Variants in TRPM7 observed in about 807,000 individuals in gnomAD.
TRPM7 encodes transient receptor potential cation channel subfamily M member 7.
Under a neutral mutation model 229.7 loss-of-function variants are expected in TRPM7, and 134 were observed. The observed-to-expected ratio is 0.58, with a 90% CI of 0.51 to 0.67. The LOEUF (loss-of-function observed/expected upper bound fraction) is 0.67, where lower values mean the gene tolerates loss of function less well. TRPM7 is among the 30% of genes least tolerant of loss of function. TRPM7 has a pLI of 0.00. For missense variants in TRPM7, 1,901 were observed against 2,210.0 expected (o/e 0.86, Z 2.80); for synonymous variants, 699 against 715.2 (o/e 0.98, Z 0.36).
rs2053802940 is a variant in TRPM7, at chr15:50,570,145, T to C, written c.5319A>G (p.Glu1773=). 6.2e-7 allele frequency: 1 copy of C among 1,608,030 alleles called. No individual in the cohort carries two copies. The highest frequency in any genetic ancestry group is 2.2e-5 in the East Asian group (1 of 44,738). ...LLVLDLQGVG[E]NLTDPSVIKA... ...TTATCACAGATGGGTCAGTCAAATTTTCACCAACACCTTTATATGTGTATA... is the reference window on the plus strand; with the variant it reads ...TTATCACAGATGGGTCAGTCAAATTCTCACCAACACCTTTATATGTGTATA... Residue 1773 remains glutamate (E), a synonymous_variant, in exon 37 of 39, where the codon GAA becomes GAG. Coordinates refer to ENST00000646667, the MANE Select transcript of TRPM7 (RefSeq NM_017672.6).
Position 50,686,556 on chromosome 15 carries a change from G to A in TRPM7, c.-23C>T. ...CATTCTCCTCACGGGGCGGACTCCG[G>A]AAGGGCAGCAACTCCACCTCCTCCT... is the stretch of plus-strand genomic sequence containing the variant. On this transcript the variant is annotated 5_prime_UTR_variant, in exon 1 of 39. Coordinates refer to ENST00000646667, the MANE Select transcript of TRPM7 (RefSeq NM_017672.6). 2 of 1,609,854 alleles carry A rather than the reference G, an allele frequency of 1.2e-6. No homozygotes were observed. Among genetic ancestry groups the A allele is most frequent in the Middle Eastern group, 1.7e-4 (1 of 6,046 alleles).
At chr15:50,648,263 T>C (rs548274425) in intron 4 of TRPM7, among the ~76,000 whole-genome samples, 1 of 152,064 alleles carries the variant, frequency 6.6e-6, no homozygotes, top group East Asian at 1.9e-4. Flanking sequence ...ATAAAAAATA[T>C]TTAATCCAAA....
chr15:50,609,509 T>A lies in TRPM7; in HGVS notation c.2580+72A>T, dbSNP rs578237271. ...GATCTAAGTTATATCAACATTAGTA[T>A]GGATTCCGAACCAATGGTCCCCCAA... On this transcript the variant is annotated intron_variant, in intron 19 of 38. Transcript: ENST00000646667. 5,584 of 1,403,764 alleles carry A rather than the reference T, an allele frequency of 4.0e-3. 19 individuals carry two copies. Among genetic ancestry groups the A allele is most frequent in the Non-Finnish European group, 4.3e-3 (4,517 of 1,039,644 alleles). The allele number at this position is 1,403,764 out of a possible 1,614,324, so 87.0% of individuals were successfully genotyped here.
chr15:50,658,489 G>A (rs980246281), intron 2 of TRPM7, among the ~76,000 whole-genome samples: 1 of 151,490 alleles, frequency 6.6e-6, no homozygotes, highest in Non-Finnish European at 1.5e-5. Context: ...AGGATTCCTT[G>A]AGCATGGGAG....
At chr15:50,570,198 TA>T in intron 36 of TRPM7, 43 bp from the exon 37 acceptor site, 1 of 1,370,154 alleles carries the variant, frequency 7.3e-7, no homozygotes. Flanking sequence ...TTATATTATA[TA>T]ATTGACATAA....
At position 50,578,676 on chromosome 15, in the gene TRPM7, C is replaced by A. The variant is rs1158600310; in HGVS notation, c.4593-12G>T. 4 of 1,603,818 alleles carry A rather than the reference C, an allele frequency of 2.5e-6. No homozygotes were observed. The highest frequency in any genetic ancestry group is 1.7e-4 in the Middle Eastern group (1 of 5,996). On this transcript the variant is annotated splice_polypyrimidine_tract_variant and intron_variant, in intron 30 of 38. Coordinates refer to ENST00000646667, the MANE Select transcript of TRPM7 (RefSeq NM_017672.6). ...CTTCTTCAGATGGCCTAAAGAAACA[C>A]CAAAAAATATAGTATAAGCTGTGCT...
chr15:50,646,204 GA>G (rs1311650044), intron 4 of TRPM7, among the ~76,000 whole-genome samples: 1 of 151,950 alleles, frequency 6.6e-6, no homozygotes, highest in Non-Finnish European at 1.5e-5. Flanking sequence ...GAGAGATGAT[GA>G]GCTCACTGTT....
In TRPM7 at chr15:50,574,375, T is replaced by C. The variant is rs1731895057; in HGVS notation, c.5207A>G (p.Asp1736Gly). The C allele has an allele frequency of 1.4e-5, 22 of 1,613,656 alleles. No homozygotes were observed. The highest frequency in any genetic ancestry group is 1.8e-5 in the Non-Finnish European group (21 of 1,179,628). ...CAGAGTATTAGTTGGAATAATCTCA[T>C]CTCCATTATTATTGTTGTATTTTCT... The part of the protein sequence containing the change: ...EFRKYNNNNG[D>G]EIIPTNTLEE... Residue 1736 changes from aspartate to glycine, a missense_variant, in exon 36 of 39, where the codon GAT becomes GGT. By Grantham distance (94) the Asp-to-Gly change is moderately conservative. Around this residue, in one of 8 missense-constraint regions of TRPM7, gnomAD observed 257 missense variants for 352.0 expected, o/e 0.73. Coordinates refer to ENST00000646667, the MANE Select transcript of TRPM7 (RefSeq NM_017672.6).
intron 5 of TRPM7, among the ~76,000 whole-genome samples, chr15:50,641,788 T>A (rs1267305450): frequency 6.6e-6 from 1 of 152,028 alleles, no homozygotes; most frequent in Non-Finnish European, 1.5e-5. Flanking sequence ...TCACCTGAGG[T>A]CAGAAGTTCA....
intron 27 of TRPM7, among the ~76,000 whole-genome samples, chr15:50,586,864 A>C (rs954020794): frequency 7.9e-5 from 12 of 152,148 alleles, no homozygotes; most frequent in Admixed American, 7.9e-4. Context: ...TAAAAATACA[A>C]AATCAGCTGG....
At chr15:50,639,658 C>G (rs1180259948) in intron 5 of TRPM7, 110 bp from the exon 6 acceptor site, 1 of 955,886 alleles carries the variant, frequency 1.0e-6, no homozygotes, top group Non-Finnish European at 1.5e-6. Flanking sequence ...CCTCAAACTC[C>G]TGGACTCAAG....
At chr15:50,667,091 C>T (rs934445746) in intron 1 of TRPM7, among the ~76,000 whole-genome samples, 4 of 152,004 alleles carry the variant, frequency 2.6e-5, no homozygotes, top group Admixed American at 2.0e-4. Context: ...GAGGAGACCC[C>T]CAACCCAAAG....
intron 4 of TRPM7, among the ~76,000 whole-genome samples, chr15:50,645,612 A>G (rs1047116006): frequency 6.6e-6 from 1 of 152,182 alleles, no homozygotes; most frequent in Non-Finnish European, 1.5e-5. Flanking sequence ...GATTACAGGC[A>G]TAAGCCACCG....
intron 1 of TRPM7, among the ~76,000 whole-genome samples, chr15:50,676,740 A>G (rs965254648): frequency 2.0e-5 from 3 of 152,112 alleles, no homozygotes; most frequent in Admixed American, 1.3e-4. Flanking sequence ...GAACAGCAAA[A>G]TATCAATAGA....
intron 1 of TRPM7, among the ~76,000 whole-genome samples, chr15:50,679,236 G>C (rs1298052457): frequency 1.3e-5 from 2 of 151,104 alleles, no homozygotes; most frequent in African/African-American, 4.9e-5. Flanking sequence ...TTGGGAGGCT[G>C]AAGTGGCAGG....
intron 38 of TRPM7, 27 bp downstream of exon 38, chr15:50,569,860 T>G: frequency 1.3e-6 from 2 of 1,496,890 alleles, no homozygotes; most frequent in East Asian, 2.3e-5. Flanking sequence ...ACAATTTATA[T>G]ACTATACTGA....
At chr15:50,611,660 C>T (rs955588247) in intron 16 of TRPM7, among the ~76,000 whole-genome samples, 7 of 152,160 alleles carry the variant, frequency 4.6e-5, no homozygotes, top group African/African-American at 1.2e-4. Context: ...ACACAGAAAA[C>T]AGTTGGTACC....
intron 1 of TRPM7, among the ~76,000 whole-genome samples, chr15:50,680,217 G>C (rs985500279): frequency 6.6e-6 from 1 of 151,828 alleles, no homozygotes; most frequent in African/African-American, 2.4e-5. Flanking sequence ...CTGGGTGACA[G>C]AGCAAGACTC....
At chr15:50,668,618 C>T (rs1024792621) in intron 1 of TRPM7, among the ~76,000 whole-genome samples, 2 of 152,178 alleles carry the variant, frequency 1.3e-5, no homozygotes, top group Non-Finnish European at 2.9e-5. Context: ...AGTAATTCTC[C>T]TGCCTCAGCC....
Sources: allele counts gnomAD v4.1 joint callset (sites outside exome capture counted in the v4.1 genomes callset), GRCh38; gene constraint gnomAD v4.1.1; regional missense constraint gnomAD v4.1.1; transcripts MANE v1.5; gene names NCBI Gene and HGNC (gene_info 2026-07-23, HGNC 2026-07-21).